Variants in CLVS1 observed in about 807,000 individuals in gnomAD.
CLVS1 encodes clavesin 1, also known as clavesin-1.
Under a neutral mutation model 33.1 loss-of-function variants are expected in CLVS1, and 10 were observed. The ratio of observed to expected loss-of-function variants is 0.30; its 90% CI spans 0.19 to 0.51. The LOEUF (loss-of-function observed/expected upper bound fraction) is 0.51. Ranked by LOEUF, CLVS1 falls within the 20% of genes least tolerant of loss-of-function variation. The pLI, the probability that CLVS1 is intolerant of heterozygous loss-of-function variation, is 0.97. For missense variants in CLVS1, 343 were observed against 433.4 expected (o/e 0.79, Z 1.85); for synonymous variants, 163 against 166.1 (o/e 0.98, Z 0.14).
intron 2 of CLVS1, among the ~76,000 whole-genome samples, chr8:61,249,105 C>T (rs868673337): frequency 7.2e-5 from 11 of 152,102 alleles, no homozygotes; most frequent in African/African-American, 2.4e-4. Context: ...TGATGTTCTC[C>T]TTCCTGTGTC....
intron 2 of CLVS1, among the ~76,000 whole-genome samples, chr8:61,268,210 C>A (rs1228884982): frequency 7.2e-6 from 1 of 138,712 alleles, no homozygotes; most frequent in Non-Finnish European, 1.5e-5. Flanking sequence ...TATTCCCCTT[C>A]CTGTGTCCAT....
intron 1 of CLVS1, among the ~76,000 whole-genome samples, chr8:61,116,899 T>G: frequency 6.9e-6 from 1 of 145,890 alleles, no homozygotes; most frequent in East Asian, 2.0e-4. Context: ...TTTTTCCAAT[T>G]CTGTGAAGAA....
In CLVS1 at chr8:61,203,106, T is replaced by C. The variant is rs1466244923; in HGVS notation, c.-152+71246T>C. On this transcript the variant is annotated intron_variant, in intron 2 of 2. Transcript: ENST00000522621. ...ATTAAAGCAAAAATGCAAGCAAGTA[T>C]AGAAAAAGGTGGTTCTCTTCCCAAA... 4 of 1,248,172 alleles carry C rather than the reference T, an allele frequency of 3.2e-6. No individual in the cohort carries two copies. In the African/African-American group the frequency reaches 5.9e-5, roughly 18 times the overall value. The allele number at this position is 1,248,172 out of a possible 1,614,324, so 77.3% of individuals were successfully genotyped here.
At chr8:61,474,836 T>C (rs1461767259) in intron 5 of CLVS1, among the ~76,000 whole-genome samples, 1 of 152,242 alleles carries the variant, frequency 6.6e-6, no homozygotes, top group South Asian at 2.1e-4. Flanking sequence ...ATTGTACATA[T>C]GCACAACGTG....
intron 2 of CLVS1, among the ~76,000 whole-genome samples, chr8:61,255,788 C>T (rs2349942): frequency 0.49 from 73,798 of 151,672 alleles, 19,098 homozygotes; most frequent in East Asian, 0.96. Context: ...AAACTTGAAC[C>T]TACTATAAGA....
chr8:60,984,626 C>T, the CLVS1 span, among the ~76,000 whole-genome samples: 2 of 152,168 alleles, frequency 1.3e-5, no homozygotes, highest in African/African-American at 2.4e-5. Context: ...CCGTGCCTGG[C>T]CCATAAAGTC....
intron 2 of CLVS1, among the ~76,000 whole-genome samples, chr8:61,148,445 C>A (rs1209955333): frequency 6.6e-6 from 1 of 152,214 alleles, no homozygotes; most frequent in Non-Finnish European, 1.5e-5. Context: ...AAAGTCCACA[C>A]AAGGCTCCTA....
intron 2 of CLVS1, among the ~76,000 whole-genome samples, chr8:61,318,242 A>T (rs138078349): frequency 4.6e-4 from 70 of 152,116 alleles, no homozygotes; most frequent in African/African-American, 1.4e-3. Context: ...AGTGGCTTTA[A>T]CTTTTTCACT....
chr8:61,466,538 C>T lies in CLVS1; in HGVS notation c.977+7996C>T, dbSNP rs562379328. Among the ~76,000 whole-genome samples the T allele has an allele frequency of 1.1e-4, 17 of 152,266 alleles. No homozygotes were observed. In the East Asian group the frequency reaches 2.9e-3, roughly 26 times the overall value. On this transcript the variant is annotated intron_variant, in intron 5 of 5. Transcript: ENST00000325897. ...AATTTCTGCATTATTTTTTAATCAGCATGTAGAGTTTGTGACCTTTAATTG... is the reference window on the plus strand; with the variant it reads ...AATTTCTGCATTATTTTTTAATCAGTATGTAGAGTTTGTGACCTTTAATTG...
At chr8:61,252,116 G>C (rs1395940031) in intron 2 of CLVS1, among the ~76,000 whole-genome samples, 1 of 152,110 alleles carries the variant, frequency 6.6e-6, no homozygotes, top group African/African-American at 2.4e-5. Flanking sequence ...GGTACATTGT[G>C]TCTTCATTCT....
At chr8:61,275,565 T>G (rs1339250406) in intron 2 of CLVS1, among the ~76,000 whole-genome samples, 1 of 152,146 alleles carries the variant, frequency 6.6e-6, no homozygotes, top group Non-Finnish European at 1.5e-5. Context: ...AACAAAAGTA[T>G]GTTGGAAGGA....
intron 2 of CLVS1, chr8:61,203,185 A>C (rs2129305489): frequency 1.8e-6 from 2 of 1,127,200 alleles, no homozygotes; most frequent in Non-Finnish European, 2.7e-6. Context: ...TGACTGACCA[A>C]GAGGCTATTC....
At chr8:61,205,113 A>T (rs1807812643) in intron 2 of CLVS1, among the ~76,000 whole-genome samples, 4 of 152,210 alleles carry the variant, frequency 2.6e-5, no homozygotes, top group South Asian at 4.1e-4. Context: ...TAAAAATTTT[A>T]AAAAAATATT....
At chr8:61,360,974 A>G (rs887863133) in intron 2 of CLVS1, among the ~76,000 whole-genome samples, 1 of 152,168 alleles carries the variant, frequency 6.6e-6, no homozygotes, top group African/African-American at 2.4e-5. Context: ...GCTTCTCCAG[A>G]GGCCTCAGGA....
intron 2 of CLVS1, among the ~76,000 whole-genome samples, chr8:61,140,891 A>G (rs543805091): frequency 6.6e-6 from 1 of 152,286 alleles, no homozygotes; most frequent in East Asian, 1.9e-4. Flanking sequence ...TTGGAAAAAA[A>G]TCCTGTTGTT....
At chr8:60,980,816 G>A in the CLVS1 span, among the ~76,000 whole-genome samples, 1 of 152,152 alleles carries the variant, frequency 6.6e-6, no homozygotes, top group Non-Finnish European at 1.5e-5. Context: ...GGTCTTTGCA[G>A]ATGTGATTAA....
At chr8:61,038,946 T>C in the CLVS1 span, among the ~76,000 whole-genome samples, 2 of 152,234 alleles carry the variant, frequency 1.3e-5, no homozygotes, top group Non-Finnish European at 2.9e-5. Flanking sequence ...TGATGTAATG[T>C]CACCCACATT....
At chr8:61,273,028 T>C (rs1487492329) in intron 2 of CLVS1, among the ~76,000 whole-genome samples, 1 of 151,150 alleles carries the variant, frequency 6.6e-6, no homozygotes, top group Non-Finnish European at 1.5e-5. Context: ...TTTGTTCCGT[T>C]GCTGGTGAGG....
the CLVS1 span, among the ~76,000 whole-genome samples, chr8:61,049,168 G>T: frequency 6.6e-6 from 1 of 152,170 alleles, no homozygotes; most frequent in African/African-American, 2.4e-5. Flanking sequence ...GGAAGAGATG[G>T]GGTTACAGTG....
Sources: allele counts gnomAD v4.1 joint callset (sites outside exome capture counted in the v4.1 genomes callset), GRCh38; gene constraint gnomAD v4.1.1; transcripts MANE v1.5; gene names NCBI Gene and HGNC (gene_info 2026-07-23, HGNC 2026-07-21).